The following SLC22A5 variants were observed in gnomAD, a reference collection of about 807,000 sequenced individuals.
SLC22A5 encodes solute carrier family 22 member 5.
Under a neutral mutation model 56.7 loss-of-function variants are expected in SLC22A5, and 44 were observed. The ratio of observed to expected loss-of-function variants is 0.78; its 90% CI spans 0.61 to 1.00. SLC22A5 has a LOEUF of 1.00. Ranked by LOEUF, SLC22A5 falls within the 50% of genes least tolerant of loss-of-function variation. The probability of loss-of-function intolerance (pLI) is 0.00; values close to 1 mark genes in which losing one functional copy is unlikely to be tolerated. For missense variants in SLC22A5, 675 were observed against 723.0 expected, an observed-to-expected ratio of 0.93 and a Z score of 0.76; for synonymous variants, 278 against 292.1, an observed-to-expected ratio of 0.95 and a Z score of 0.49.
intron 5 of SLC22A5, 106 bp from the exon 6 acceptor site, chr5:132,388,815 G>A (rs998611905): frequency 2.0e-5 from 16 of 807,730 alleles, no homozygotes; most frequent in South Asian, 6.8e-5. Flanking sequence ...ACTCCCCGAC[G>A]CTGAGATGCA....
intron 4 of SLC22A5, among the ~76,000 whole-genome samples, chr5:132,386,111 C>T (rs865945498): frequency 5.3e-5 from 8 of 152,168 alleles, no homozygotes; most frequent in South Asian, 2.1e-4. Flanking sequence ...CAGTCATGAC[C>T]GAGGGTGGGG....
In SLC22A5 at chr5:132,394,318, C is replaced by A. The variant is rs1421468919; in HGVS notation, c.*46C>A. ...AAACTGAAGAGGAAAGACTGTCTTG[C>A]CAGAAATGGCCAGCTTGTGCAGACT... On this transcript the variant is annotated 3_prime_UTR_variant, in exon 10 of 10. Coordinates refer to ENST00000245407, the MANE Select transcript of SLC22A5 (RefSeq NM_003060.4). 9 of 1,345,842 alleles carry A rather than the reference C, an allele frequency of 6.7e-6. No homozygotes were observed. Among genetic ancestry groups the A allele is most frequent in the Non-Finnish European group, 9.6e-6 (9 of 935,874 alleles). 83.4% of individuals were successfully genotyped at this position (1,345,842 alleles called of 1,614,324 possible). A position where few individuals can be genotyped will look rare whatever the true frequency, so the allele number is the denominator to read the frequency against.
rs546902674 is a variant in SLC22A5 at position 132,385,354 on chromosome 5, C to A, written c.679C>A (p.Arg227Ser). The change falls in exon 4 of 10, where the codon CGT becomes AGT. Residue 227 changes from arginine (R) to serine (S), a missense_variant. Coordinates refer to ENST00000245407, the MANE Select transcript of SLC22A5 (RefSeq NM_003060.4). Reference sequence around the variant, plus strand: ...GACAGAAATTCTTGGCAAGTCAGTTCGTATAATATTCTCTACGTTAGGAGT... The same window carrying A: ...GACAGAAATTCTTGGCAAGTCAGTTAGTATAATATTCTCTACGTTAGGAGT... ...LGTEILGKSV[R>S]IIFSTLGVCI... 1.2e-6 allele frequency: 2 copies of A among 1,614,076 alleles called. No individual in the cohort carries two copies. Among genetic ancestry groups the A allele is most frequent in the East Asian group, 4.5e-5 (2 of 44,890 alleles).
rs1348441795 is a variant in SLC22A5 at position 132,391,723 on chromosome 5, A to G, written c.1268-710A>G. The stretch of plus-strand genomic sequence containing the variant: ...GATGGGTGGGAGGTAGCCATTTCCA[A>G]TAATTTATAGAACAGTTCATGGGCC... On this transcript the variant is annotated intron_variant, in intron 7 of 9. Coordinates refer to ENST00000245407, the MANE Select transcript of SLC22A5 (RefSeq NM_003060.4). 4.6e-5 allele frequency among the ~76,000 whole-genome samples: 7 copies of G among 152,116 alleles called. No individual in the cohort carries two copies. In the South Asian group the frequency reaches 1.2e-3, roughly 27 times the overall value.
intron 2 of SLC22A5, chr5:132,379,410 A>G (rs1024354108): frequency 6.6e-6 from 1 of 152,216 alleles, no homozygotes; most frequent in Non-Finnish European, 1.5e-5. Context: ...GCCTCAAGCA[A>G]TCCTCCCTCC....
intron 2 of SLC22A5, 198 bp from the exon 3 acceptor site, chr5:132,383,949 G>C: frequency 4.7e-6 from 3 of 633,630 alleles, no homozygotes; most frequent in Non-Finnish European, 8.6e-6. Flanking sequence ...TACCCAGGCT[G>C]TACATTTGTC....
At chr5:132,373,419 T>C (rs1325208345) in intron 1 of SLC22A5, among the ~76,000 whole-genome samples, 1 of 152,120 alleles carries the variant, frequency 6.6e-6, no homozygotes, top group Non-Finnish European at 1.5e-5. Flanking sequence ...GCAGGTCACT[T>C]GAGGTCGGGA....
At chr5:132,387,902 G>A (rs1351011012) in intron 5 of SLC22A5, 1 of 155,150 alleles carries the variant, frequency 6.4e-6, no homozygotes, top group Non-Finnish European at 1.4e-5. Flanking sequence ...TGGGGTTCTG[G>A]AATGTGTCTG....
chr5:132,389,163 G>GA (rs1201870875), intron 6 of SLC22A5, 142 bp downstream of exon 6: 12 of 668,918 alleles, frequency 1.8e-5, no homozygotes, highest in African/African-American at 1.4e-4. Context: ...GTGTTAGATG[G>GA]AAAAAATGGG....
rs1752840810 is a variant in SLC22A5, at chr5:132,395,366, A to G, written c.*1094A>G. On this transcript the variant is annotated 3_prime_UTR_variant, in exon 10 of 10. Coordinates refer to ENST00000245407, the MANE Select transcript of SLC22A5 (RefSeq NM_003060.4). ...TTTCTTGATACTTAGTCATGGGAGG[A>G]TATTACAAAAAAGAAATTTAAATTG... 6.5e-6 allele frequency: 1 copy of G among 152,672 alleles called. No homozygotes were observed. 9.5% of individuals were successfully genotyped at this position (152,672 alleles called of 1,614,324 possible). A position where few individuals can be genotyped will look rare whatever the true frequency, so the allele number is the denominator to read the frequency against.
chr5:132,392,568 C>G lies in SLC22A5; in HGVS notation c.1403C>G (p.Thr468Arg), dbSNP rs386134221. 2.1e-5 allele frequency: 34 copies of G among 1,614,196 alleles called. No individual in the cohort carries two copies. The highest frequency in any genetic ancestry group is 2.7e-5 in the Non-Finnish European group (32 of 1,180,040). ...AACATGGGTGTGGGAGTCAGCTCCA[C>G]AGCATCCCGCCTGGGCAGCATCCTG... is the stretch of plus-strand genomic sequence containing the variant. ...VRNMGVGVSS[T>R]ASRLGSILSP... Residue 468 changes from threonine (T) to arginine (R), a missense_variant, in exon 8 of 10, where the codon ACA (threonine) becomes AGA (arginine). Transcript: ENST00000245407.
chr5:132,389,253 A>T, intron 6 of SLC22A5: 2 of 518,724 alleles, frequency 3.9e-6, no homozygotes, highest in Admixed American at 3.1e-5. Context: ...GGAAATATGG[A>T]CTCTTGTGGG....
At chr5:132,389,067 A>G (rs752784206) in intron 6 of SLC22A5, 46 bp downstream of exon 6, 45 of 1,286,526 alleles carry the variant, frequency 3.5e-5, no homozygotes, top group Non-Finnish European at 4.8e-5. Context: ...AAGCTTCTTG[A>G]AGTGGCCATT....
chr5:132,385,609 G>A (rs1752501994), intron 4 of SLC22A5, 110 bp downstream of exon 4: 1 of 875,354 alleles, frequency 1.1e-6, no homozygotes, highest in Non-Finnish European at 1.9e-6. Context: ...CCAGAGACAG[G>A]AAGCATAGAT....
In SLC22A5 at chr5:132,370,090, G is replaced by A. The variant is rs148657753; in HGVS notation, c.118G>A (p.Val40Met). Residue 40 changes from valine (V) to methionine (M), a missense_variant, in exon 1 of 10, where the codon GTG (valine) becomes ATG (methionine). Physicochemically the swap from Val to Met is conservative, Grantham distance 21. Transcript: ENST00000245407. ...IPNGFTGLSSVFLIATPEHRC... is the reference protein window; with the variant it reads ...IPNGFTGLSSMFLIATPEHRC... Reference sequence around the variant, plus strand: ...CAATGGCTTCACCGGCCTGTCCTCCGTGTTCCTGATAGCGACCCCGGAGCA... The same window carrying A: ...CAATGGCTTCACCGGCCTGTCCTCCATGTTCCTGATAGCGACCCCGGAGCA... The A allele has an allele frequency of 1.4e-5, 23 of 1,612,624 alleles. No individual in the cohort carries two copies. The highest frequency in any genetic ancestry group is 1.9e-5 in the Non-Finnish European group (23 of 1,179,634).
chr5:132,389,013 AATGCTGTGGT>A lies in SLC22A5; in HGVS notation c.1048_1052+5del, dbSNP rs775398073. On this transcript the variant is annotated splice_donor_variant and coding_sequence_variant, in exon 6 of 10. Coordinates refer to ENST00000245407, the MANE Select transcript of SLC22A5 (RefSeq NM_003060.4). LOFTEE classifies it high-confidence loss of function. ...TCCGGATGGTCACCATCATGTCCAT[AATGCTGTGGT>A]ATGTAAAAGAGACCTGCCTGAGGCT... 1 of 1,609,522 alleles carries A rather than the reference AATGCTGTGGT, an allele frequency of 6.2e-7. No individual in the cohort carries two copies. The highest frequency in any genetic ancestry group is 8.5e-7 in the Non-Finnish European group (1 of 1,175,864).
At chr5:132,371,930 A>G (rs1186535392) in intron 1 of SLC22A5, among the ~76,000 whole-genome samples, 1 of 152,146 alleles carries the variant, frequency 6.6e-6, no homozygotes, top group East Asian at 1.9e-4. Context: ...TCTTGGCGTC[A>G]TCACCCTTCA....
In SLC22A5 at chr5:132,376,510, C is replaced by G. The variant is rs1752143420; in HGVS notation, c.394-1868C>G. 2.0e-5 allele frequency: 3 copies of G among 152,174 alleles called. No individual in the cohort carries two copies. The South Asian group carries it at 6.2e-4, about 32-fold the overall frequency. The allele number at this position is 152,174 out of a possible 1,614,324, so 9.4% of individuals were successfully genotyped here. ...TGGTTTTAGGTCACACCCAACCTTG[C>G]CAGCCAAGGAGTCTTTAGAAGCCTG... On this transcript the variant is annotated intron_variant, in intron 1 of 9. Coordinates refer to ENST00000245407, the MANE Select transcript of SLC22A5 (RefSeq NM_003060.4).
intron 7 of SLC22A5, among the ~76,000 whole-genome samples, 196 bp from the exon 8 acceptor site, chr5:132,392,237 T>C (rs969350458): frequency 6.6e-6 from 1 of 152,202 alleles, no homozygotes; most frequent in Admixed American, 6.5e-5. Flanking sequence ...TGCATGTCCT[T>C]ATAGCTGCAG....
Sources: allele counts gnomAD v4.1 joint callset (sites outside exome capture counted in the v4.1 genomes callset), GRCh38; gene constraint gnomAD v4.1.1; transcripts MANE v1.5; gene names NCBI Gene and HGNC (gene_info 2026-07-23, HGNC 2026-07-21).